NOL4L: variants seen among roughly 807,000 people sequenced by gnomAD.
NOL4L encodes nucleolar protein 4 like.
Under a neutral mutation model 64.5 loss-of-function variants are expected in NOL4L, and 7 were observed. The observed-to-expected ratio is 0.11, with a 90% CI of 0.06 to 0.20. The LOEUF is 0.20. NOL4L is among the 10% of genes least tolerant of loss of function. The pLI is 1.00. For synonymous variants in NOL4L, 413 were observed against 401.0 expected, an observed-to-expected ratio of 1.03 and a Z score of -0.36; for missense variants, 680 against 967.1, an observed-to-expected ratio of 0.70 and a Z score of 3.94.
At chr20:32,486,267 T>C (rs2016082638) in intron 4 of NOL4L, among the ~76,000 whole-genome samples, 1 of 152,230 alleles carries the variant, frequency 6.6e-6, no homozygotes, top group Admixed American at 6.5e-5. Flanking sequence ...GGCCACAGCA[T>C]GAGTCCCAAT....
intron 4 of NOL4L, among the ~76,000 whole-genome samples, chr20:32,504,205 T>C (rs1283879289): frequency 6.6e-6 from 1 of 152,210 alleles, no homozygotes; most frequent in African/African-American, 2.4e-5. Context: ...TTATTCACTC[T>C]ACTGGTTTAG....
At chr20:32,561,604 G>A (rs1979023080) in intron 1 of NOL4L, among the ~76,000 whole-genome samples, 1 of 152,066 alleles carries the variant, frequency 6.6e-6, no homozygotes, top group South Asian at 2.1e-4. Flanking sequence ...GGGCCCTGGG[G>A]AACTGGCTGG....
chr20:32,562,824 C>T (rs1979116829), intron 1 of NOL4L, among the ~76,000 whole-genome samples: 1 of 150,398 alleles, frequency 6.6e-6, no homozygotes, highest in Admixed American at 6.6e-5. Context: ...TCACCCCAAG[C>T]CACAGGCTGA....
At chr20:32,462,983 GC>G (rs1353468618) in intron 5 of NOL4L, among the ~76,000 whole-genome samples, 1 of 151,782 alleles carries the variant, frequency 6.6e-6, no homozygotes, top group Non-Finnish European at 1.5e-5. Flanking sequence ...ATGCAGTGGG[GC>G]CCGGGCAGGG....
In NOL4L at chr20:32,452,899, G is replaced by A; in HGVS notation, c.1605C>T (p.Ile535=). ...TGGCAGGTACCTGTGAGGACTGGTA[G>A]ATCTCTAGACGCATCCGCTTGGCTG... ...RKAAKRMRLE[I]YQSSQDEPIA... The change falls in exon 9 of 11, where the codon ATC becomes ATT. Residue 535 remains isoleucine (I), a synonymous_variant. Transcript: ENST00000621426. 1 of 1,614,050 alleles carries A rather than the reference G, an allele frequency of 6.2e-7. No homozygotes were observed. Among genetic ancestry groups the A allele is most frequent in the Non-Finnish European group, 8.5e-7 (1 of 1,180,018 alleles).
At chr20:32,511,191 C>T (rs2017386383) in intron 4 of NOL4L, 156 bp downstream of exon 4, 7 of 564,612 alleles carry the variant, frequency 1.2e-5, no homozygotes, top group African/African-American at 5.7e-5. Context: ...TCTTGCCTCC[C>T]GCCTCTCCGC....
rs2013021238 is a variant in NOL4L at position 32,452,437 on chromosome 20, C to T, written c.1621G>A (p.Asp541Asn). 1 of 1,585,922 alleles carries T rather than the reference C, an allele frequency of 6.3e-7. No homozygotes were observed. The highest frequency in any genetic ancestry group is 8.6e-7 in the Non-Finnish European group (1 of 1,165,362). ...MRLEIYQSSQ[D>N]EPIALDKQHS... ...TGCTTGTCCAGGGCTATGGGCTCAT[C>T]CTGCAGAGGGGAGAGGGGGGCGCTG... Residue 541 changes from aspartate (D) to asparagine (N), a missense_variant and splice_region_variant, in exon 10 of 11, where the codon GAT (aspartate) becomes AAT (asparagine). Asp to Asn is a conservative substitution (Grantham distance 23). Transcript: ENST00000621426.
At chr20:32,467,453 C>T (rs1470582096) in intron 5 of NOL4L, among the ~76,000 whole-genome samples, 4 of 152,178 alleles carry the variant, frequency 2.6e-5, no homozygotes, top group South Asian at 2.1e-4. Flanking sequence ...ACAACCCGGG[C>T]GGTGGTTGGG....
intron 1 of NOL4L, 66 bp from the exon 2 acceptor site, chr20:32,527,979 G>A (rs930218097): frequency 6.7e-7 from 1 of 1,488,670 alleles, no homozygotes; most frequent in Non-Finnish European, 9.0e-7. Context: ...TGGGCCCTGA[G>A]GCCGGGGCAA....
At chr20:32,500,520 A>G (rs1303316122) in intron 4 of NOL4L, among the ~76,000 whole-genome samples, 2 of 138,118 alleles carry the variant, frequency 1.4e-5, no homozygotes, top group African/African-American at 5.6e-5. Context: ...CGCCCAGCTA[A>G]TTTTTTTGTA....
intron 6 of NOL4L, among the ~76,000 whole-genome samples, chr20:32,455,361 A>C (rs1280780554): frequency 1.3e-5 from 2 of 152,234 alleles, no homozygotes; most frequent in African/African-American, 2.4e-5. Flanking sequence ...CACTGAGCCC[A>C]TGGTACAGAA....
intron 4 of NOL4L, among the ~76,000 whole-genome samples, chr20:32,485,003 T>C (rs2015995198): frequency 7.3e-6 from 1 of 136,866 alleles, no homozygotes; most frequent in Admixed American, 8.1e-5. Context: ...CGAAAAAAGC[T>C]TGTGCTTCAA....
chr20:32,454,365 A>C (rs982633437), intron 6 of NOL4L, among the ~76,000 whole-genome samples: 1 of 152,114 alleles, frequency 6.6e-6, no homozygotes, highest in Non-Finnish European at 1.5e-5. Flanking sequence ...TCTGCCCCCC[A>C]CCCAGGACAG....
chr20:32,544,080 C>T (rs189635859), intron 1 of NOL4L, among the ~76,000 whole-genome samples: 17 of 152,212 alleles, frequency 1.1e-4, no homozygotes, highest in African/African-American at 3.1e-4. Context: ...TCACGTGAAA[C>T]AGGCAGCCAT....
At chr20:32,560,921 G>A (rs756926226) in intron 1 of NOL4L, among the ~76,000 whole-genome samples, 20 of 152,250 alleles carry the variant, frequency 1.3e-4, no homozygotes, top group African/African-American at 2.2e-4. Flanking sequence ...AGTGCCTGCC[G>A]GAGGGGCCTC....
At chr20:32,483,399 C>G in intron 4 of NOL4L, 1 of 986,422 alleles carries the variant, frequency 1.0e-6, no homozygotes, top group Non-Finnish European at 1.2e-6. Flanking sequence ...CGGTCGGGAT[C>G]CGCGAGTGAG....
intron 5 of NOL4L, 93 bp from the exon 6 acceptor site, chr20:32,456,488 G>GC: frequency 7.9e-7 from 1 of 1,260,734 alleles, no homozygotes; most frequent in Non-Finnish European, 1.0e-6. Context: ...CTCCTCATGA[G>GC]TGTCCCTGGG....
intron 5 of NOL4L, among the ~76,000 whole-genome samples, chr20:32,466,467 GC>G (rs1189537000): frequency 6.6e-6 from 1 of 152,212 alleles, no homozygotes; most frequent in Non-Finnish European, 1.5e-5. Context: ...GCCGCCTGCG[GC>G]CCAGCTGATG....
At chr20:32,565,727 CAG>C (rs1387290581) in intron 1 of NOL4L, among the ~76,000 whole-genome samples, 55 of 152,332 alleles carry the variant, frequency 3.6e-4, no homozygotes, top group Non-Finnish European at 4.4e-5. Context: ...GAAAACAATT[CAG>C]AGTCATACCA....
Sources: gnomAD v4.1 joint callset for allele counts (sites outside exome capture counted in the v4.1 genomes callset) on GRCh38, gnomAD v4.1.1 for gene constraint, MANE v1.5 for transcripts, NCBI Gene and HGNC (gene_info 2026-07-23, HGNC 2026-07-21) for gene names.